The following DNAH5 variants were observed in gnomAD, a reference collection of about 807,000 sequenced individuals.
DNAH5 encodes axonemal beta dynein heavy chain 5.
A neutral mutation model predicts 518.2 loss-of-function variants in DNAH5; 372 were observed. The observed-to-expected ratio is 0.72, with a 90% confidence interval of 0.66 to 0.78. The LOEUF is 0.78. Ranked by LOEUF, DNAH5 falls within the 30% of genes least tolerant of loss-of-function variation. DNAH5 has a pLI of 0.00. For synonymous variants in DNAH5, 2,039 were observed against 2,025.9 expected, an observed-to-expected ratio of 1.01 and a Z score of -0.17; for missense variants, 5,523 against 5,687.0, an observed-to-expected ratio of 0.97 and a Z score of 0.93.
At chr5:13,839,891 C>G (rs1764931089) in intron 34 of DNAH5, among the ~76,000 whole-genome samples, 1 of 152,196 alleles carries the variant, frequency 6.6e-6, no homozygotes, top group African/African-American at 2.4e-5. Context: ...CACACAAAGA[C>G]AGCAATAAAC....
intron 78 of DNAH5, among the ~76,000 whole-genome samples, chr5:13,700,029 C>T (rs186798452): frequency 1.1e-3 from 174 of 152,284 alleles, no homozygotes; most frequent in African/African-American, 4.0e-3. Context: ...ATTAGAATCA[C>T]GTGTGTACTT....
chr5:13,711,077 C>T (rs1474236069), intron 75 of DNAH5, among the ~76,000 whole-genome samples: 2 of 152,152 alleles, frequency 1.3e-5, no homozygotes, highest in Non-Finnish European at 2.9e-5. Context: ...ATGAAAACTA[C>T]AGACTGATAT....
At position 13,871,043 on chromosome 5, in the gene DNAH5, C is replaced by T. The variant is rs757271743; in HGVS notation, c.3599-41G>A. 34 of 1,477,488 alleles carry T rather than the reference C, an allele frequency of 2.3e-5. 1 individual carries two copies. Among genetic ancestry groups the T allele is most frequent in the East Asian group, 6.8e-5 (3 of 44,174 alleles). 91.5% of individuals were successfully genotyped at this position (1,477,488 alleles called of 1,614,324 possible). On this transcript the variant is annotated intron_variant, in intron 23 of 78. Transcript: ENST00000265104. ...TGTCTACAGTTCAGTTTTAAAAACTCGAATCAGTACGAAAAGTCAAACTGT... is the reference window on the plus strand; with the variant it reads ...TGTCTACAGTTCAGTTTTAAAAACTTGAATCAGTACGAAAAGTCAAACTGT...
chr5:13,963,190 G>T (rs1781299707), intron 1 of DNAH5, among the ~76,000 whole-genome samples: 1 of 152,114 alleles, frequency 6.6e-6, no homozygotes, highest in Non-Finnish European at 1.5e-5. Context: ...CCCTGACTCT[G>T]AGATGACATA....
At chr5:13,792,359 G>T in intron 49 of DNAH5, 142 bp from the exon 50 acceptor site, 1 of 676,718 alleles carries the variant, frequency 1.5e-6, no homozygotes, top group Non-Finnish European at 2.5e-6. Flanking sequence ...GTATGTTAAT[G>T]TTCTCTTGTT....
intron 29 of DNAH5, 39 bp from the exon 30 acceptor site, chr5:13,859,644 T>C: frequency 8.8e-6 from 14 of 1,584,656 alleles, no homozygotes; most frequent in Non-Finnish European, 1.2e-5. Context: ...GTTTTGTTTT[T>C]GTTGTGCTGT....
At chr5:13,850,540 T>C (rs1246859444) in intron 31 of DNAH5, 112 bp downstream of exon 31, 3 of 836,572 alleles carry the variant, frequency 3.6e-6, no homozygotes, top group Non-Finnish European at 6.1e-6. Context: ...AACAGCTTTA[T>C]ATATAAATTC....
chr5:13,839,668 T>C lies in DNAH5; in HGVS notation c.5710-140A>G, dbSNP rs1400077769. On this transcript the variant is annotated intron_variant, in intron 34 of 78. Coordinates refer to ENST00000265104, the MANE Select transcript of DNAH5 (RefSeq NM_001369.3). ...AACTATTTCACAGGTGTCAACTGTA[T>C]CACCAGCCAAGCTATTCATTTATTG... 8 of 724,940 alleles carry C rather than the reference T, an allele frequency of 1.1e-5. No homozygotes were observed. In the African/African-American group the frequency reaches 1.4e-4, roughly 13 times the overall value. The allele number at this position is 724,940 out of a possible 1,614,324, so 44.9% of individuals were successfully genotyped here. A position where few individuals can be genotyped will look rare whatever the true frequency, so the allele number is the denominator to read the frequency against.
intron 42 of DNAH5, among the ~76,000 whole-genome samples, chr5:13,816,766 C>T (rs1470093436): frequency 2.0e-5 from 3 of 152,056 alleles, no homozygotes; most frequent in South Asian, 4.1e-4. Context: ...TAAATGCGAG[C>T]GTCAATGGTA....
At chr5:14,001,567 G>A (rs4473768) in intron 1 of DNAH5, among the ~76,000 whole-genome samples, 16 of 151,916 alleles carry the variant, frequency 1.1e-4, no homozygotes, top group Admixed American at 3.9e-4. Context: ...GTTTCACTGT[G>A]TTAGCCAGAA....
intron 69 of DNAH5, among the ~76,000 whole-genome samples, chr5:13,727,951 A>T (rs1008167288): frequency 5.9e-5 from 9 of 152,194 alleles, no homozygotes; most frequent in Non-Finnish European, 2.9e-5. Flanking sequence ...GAATACAACA[A>T]AATCAATGGA....
At chr5:13,724,718 G>A (rs1052445280) in intron 70 of DNAH5, among the ~76,000 whole-genome samples, 1 of 152,184 alleles carries the variant, frequency 6.6e-6, no homozygotes, top group Non-Finnish European at 1.5e-5. Context: ...GTACTCATGA[G>A]AGTGAGTGAG....
rs759406251 is a variant in DNAH5 at position 13,814,598 on chromosome 5, A to G, written c.7230+7T>C. 5 of 1,613,510 alleles carry G rather than the reference A, an allele frequency of 3.1e-6. No individual in the cohort carries two copies. The East Asian group carries it at 8.9e-5, about 29-fold the overall frequency. ...TTTAATTATACAAAAGAAGGATTCA[A>G]TTATACCTCAAGAATAGGACTCCAA... On this transcript the variant is annotated splice_region_variant and intron_variant, in intron 43 of 78. Transcript: ENST00000265104.
intron 22 of DNAH5, among the ~76,000 whole-genome samples, chr5:13,875,553 C>T (rs1297955805): frequency 6.7e-6 from 1 of 148,620 alleles, no homozygotes; most frequent in African/African-American, 2.5e-5. Context: ...CTTAGATTTT[C>T]ATAATAGTGG....
chr5:13,930,860 G>C (rs1309569859), intron 2 of DNAH5, among the ~76,000 whole-genome samples: 2 of 152,232 alleles, frequency 1.3e-5, no homozygotes, highest in African/African-American at 2.4e-5. Context: ...ACTGGATGTA[G>C]AGAGATGCAG....
chr5:13,768,130 T>C (rs761168135), intron 58 of DNAH5, among the ~76,000 whole-genome samples: 117 of 152,172 alleles, frequency 7.7e-4, no homozygotes, highest in Non-Finnish European at 1.1e-3. Flanking sequence ...TTTGATATGG[T>C]TTAGCTCTAT....
intron 22 of DNAH5, among the ~76,000 whole-genome samples, chr5:13,874,203 C>T (rs77118377): frequency 0.02 from 3,083 of 152,270 alleles, 107 homozygotes; most frequent in African/African-American, 0.069. Flanking sequence ...AGCATGTAGA[C>T]ATATTCACAT....
Position 13,992,552 on chromosome 5 carries a change from G to C in DNAH5, c.12+19096C>G, listed in dbSNP as rs1314682385. ...GCTAGGCCCTGTTTTATTTCACTTTGGTGCCAGTGGCCTAAAAACCTGACT... is the reference window on the plus strand; with the variant it reads ...GCTAGGCCCTGTTTTATTTCACTTTCGTGCCAGTGGCCTAAAAACCTGACT... On this transcript the variant is annotated intron_variant, in intron 1 of 78. Transcript: ENST00000681290. 3.3e-5 allele frequency among the ~76,000 whole-genome samples: 5 copies of C among 152,098 alleles called. No individual in the cohort carries two copies. The South Asian group carries it at 1.0e-3, about 32-fold the overall frequency.
chr5:13,829,400 A>C (rs1252027874), intron 38 of DNAH5, 110 bp downstream of exon 38: 37 of 1,122,584 alleles, frequency 3.3e-5, no homozygotes, highest in Non-Finnish European at 6.6e-6. Flanking sequence ...CTCAGTGTCA[A>C]TAAAATCCTT....
Sources: allele counts gnomAD v4.1 joint callset (sites outside exome capture counted in the v4.1 genomes callset), GRCh38; gene constraint gnomAD v4.1.1; transcripts MANE v1.5; gene names NCBI Gene and HGNC (gene_info 2026-07-23, HGNC 2026-07-21).